PLAC1: variants seen among roughly 807,000 people sequenced by gnomAD.
PLAC1 encodes the protein placenta-specific protein 1.
For missense variants in PLAC1, 136 were observed against 163.2 expected, an observed-to-expected ratio of 0.83 and a Z score of 0.91; for synonymous variants, 68 against 62.1, an observed-to-expected ratio of 1.09 and a Z score of -0.44.
chrX:134,721,756 G>C (rs972594301), intron 2 of PLAC1, among the ~76,000 whole-genome samples: 1 of 110,369 alleles, frequency 9.1e-6, no homozygotes, highest in Non-Finnish European at 1.9e-5. Flanking sequence ...CCAGCTACTC[G>C]GGAGGCTGAG....
intron 1 of PLAC1, among the ~76,000 whole-genome samples, chrX:134,653,700 T>C (rs1444915508): frequency 9.0e-6 from 1 of 111,464 alleles, no homozygotes; most frequent in Non-Finnish European, 1.9e-5. Context: ...TCTTAAAACA[T>C]TGTGACTGGG....
intron 1 of PLAC1, among the ~76,000 whole-genome samples, chrX:134,759,632 A>T: frequency 8.9e-6 from 1 of 112,042 alleles, no homozygotes. Flanking sequence ...TTACTGCAGC[A>T]CTCTTCAAAA....
chrX:134,638,122 T>G (rs1014687727), intron 1 of PLAC1, among the ~76,000 whole-genome samples: 1 of 112,302 alleles, frequency 8.9e-6, no homozygotes, highest in East Asian at 2.8e-4. Flanking sequence ...ATGATGAACA[T>G]TTAACTTGCA....
At chrX:134,608,836 C>T (rs753764909) in intron 1 of PLAC1, among the ~76,000 whole-genome samples, 6 of 108,908 alleles carry the variant, frequency 5.5e-5, no homozygotes, top group Admixed American at 2.0e-4. Flanking sequence ...CCACCATGTC[C>T]GGCTAATTTT....
In PLAC1 at chrX:134,595,228, A is replaced by G. The variant is rs758740558; in HGVS notation, c.-59+6823T>C. On this transcript the variant is annotated intron_variant, in intron 2 of 2. Transcript: ENST00000359237. ...TTCCATTATTGTCAGAGAACACACT[A>G]TGTACAATTGCAATTCTTCTAAATT... is the stretch of plus-strand genomic sequence containing the variant. Among the ~76,000 whole-genome samples the G allele has an allele frequency of 4.0e-4, 44 of 110,960 alleles. 1 individual carries two copies. Among genetic ancestry groups the G allele is most frequent in the Non-Finnish European group, 7.2e-4 (38 of 52,923 alleles).
intron 2 of PLAC1, among the ~76,000 whole-genome samples, chrX:134,576,055 T>C (rs2077937606): frequency 1.8e-5 from 2 of 108,613 alleles, no homozygotes; most frequent in South Asian, 7.7e-4. Context: ...AAGGACTTTC[T>C]TTCTGAAATT....
chrX:134,756,721 T>C lies in PLAC1; in HGVS notation n.89+7513A>G, dbSNP rs974580954. Among the ~76,000 whole-genome samples the C allele has an allele frequency of 1.1e-4, 12 of 108,937 alleles. No homozygotes were observed. The South Asian group carries it at 1.2e-3, about 11-fold the overall frequency. The allele number at this position is 108,937 out of a possible 115,157, so 94.6% of individuals were successfully genotyped here. ...AAAATTGGCCAGGCGTGGTGGCGGG[T>C]GCCTGTAGTCCCAGCTACTCAGGAG... On this transcript the variant is annotated intron_variant and non_coding_transcript_variant, in intron 1 of 2. Coordinates refer to the PLAC1 transcript ENST00000466797.
At chrX:134,758,208 T>C (rs1718247485) in intron 1 of PLAC1, among the ~76,000 whole-genome samples, 1 of 110,330 alleles carries the variant, frequency 9.1e-6, no homozygotes, top group Non-Finnish European at 1.9e-5. Context: ...ATTAATCTAG[T>C]TAAAATGACC....
intron 1 of PLAC1, among the ~76,000 whole-genome samples, chrX:134,645,783 C>A (rs1296471632): frequency 9.1e-6 from 1 of 109,333 alleles, no homozygotes. Flanking sequence ...ATAATGCAAG[C>A]CTTCCCATTC....
intron 2 of PLAC1, among the ~76,000 whole-genome samples, chrX:134,715,746 TG>T (rs1383814490): frequency 2.7e-4 from 30 of 112,304 alleles, no homozygotes; most frequent in African/African-American, 9.7e-4. Context: ...TAGAGGCTGT[TG>T]GCAGATGTTT....
chrX:134,576,760 T>C (rs955362448), intron 2 of PLAC1, among the ~76,000 whole-genome samples: 2 of 110,639 alleles, frequency 1.8e-5, no homozygotes, highest in African/African-American at 6.6e-5. Context: ...GTGAGACATG[T>C]AGGAAGAAGG....
rs764262533 is a variant in PLAC1 at position 134,566,722 on chromosome X, A to G, written c.-40T>C. On this transcript the variant is annotated 5_prime_UTR_variant, in exon 3 of 3. Coordinates refer to ENST00000359237, the MANE Select transcript of PLAC1 (RefSeq NM_021796.4). Reference sequence around the variant, plus strand: ...AGATAATGAACCACAGGAAACAGGAAGCCGTCCAGTGAGGATTTCTAGAGC... The same window carrying G: ...AGATAATGAACCACAGGAAACAGGAGGCCGTCCAGTGAGGATTTCTAGAGC... 1.6e-5 allele frequency: 17 copies of G among 1,083,729 alleles called. No homozygotes were observed. The highest frequency in any genetic ancestry group is 7.1e-4 in the Middle Eastern group (2 of 2,810). The allele number at this position is 1,083,729 out of a possible 1,213,427, so 89.3% of individuals were successfully genotyped here.
At chrX:134,632,928 A>G (rs1440643089) in intron 1 of PLAC1, among the ~76,000 whole-genome samples, 1 of 111,280 alleles carries the variant, frequency 9.0e-6, no homozygotes, top group African/African-American at 3.3e-5. Context: ...ATCTGTCTCC[A>G]ACCTTCTTTT....
At chrX:134,612,033 A>G (rs1007354547) in intron 1 of PLAC1, among the ~76,000 whole-genome samples, 6 of 111,829 alleles carry the variant, frequency 5.4e-5, no homozygotes, top group Non-Finnish European at 1.1e-4. Context: ...CAGAAATGCT[A>G]CTCTGCCTCC....
At chrX:134,681,006 G>C (rs2078493929) in intron 2 of PLAC1, among the ~76,000 whole-genome samples, 1 of 111,327 alleles carries the variant, frequency 9.0e-6, no homozygotes, top group Admixed American at 9.6e-5. Flanking sequence ...GGCAGATTGG[G>C]GGCAGAATTG....
rs761881945 is a variant in PLAC1 at position 134,680,545 on chromosome X, G to GAACTGAACTA, written n.174+52889_174+52890insTAGTTCAGTT. 3.5e-3 allele frequency among the ~76,000 whole-genome samples: 174 copies of GAACTGAACTA among 49,706 alleles called. 2 individuals are homozygous for GAACTGAACTA. The highest frequency in any genetic ancestry group is 8.9e-3 in the African/African-American group (171 of 19,300). 43.2% of individuals were successfully genotyped at this position (49,706 alleles called of 115,157 possible). A position where few individuals can be genotyped will look rare whatever the true frequency, so the allele number is the denominator to read the frequency against. The stretch of plus-strand genomic sequence containing the variant: ...AAACTAAACTGAACTAAACTAAACT[G>GAACTGAACTA]AACTAAACTAAACTAAACTAAACTA... On this transcript the variant is annotated intron_variant and non_coding_transcript_variant, in intron 2 of 2. Coordinates refer to the PLAC1 transcript ENST00000466797.
At chrX:134,622,880 A>G (rs964468363) in intron 1 of PLAC1, among the ~76,000 whole-genome samples, 1 of 111,732 alleles carries the variant, frequency 8.9e-6, no homozygotes, top group African/African-American at 3.3e-5. Flanking sequence ...TCTTTTCCCA[A>G]TTTACCAGGG....
At chrX:134,674,457 A>C (rs905760703) in intron 2 of PLAC1, among the ~76,000 whole-genome samples, 2 of 112,061 alleles carry the variant, frequency 1.8e-5, no homozygotes, top group Non-Finnish European at 3.8e-5. Flanking sequence ...CAAATAAGAA[A>C]AGTTCACACA....
intron 2 of PLAC1, among the ~76,000 whole-genome samples, chrX:134,715,458 C>T (rs1385217513): frequency 4.6e-5 from 5 of 109,141 alleles, no homozygotes; most frequent in Non-Finnish European, 9.5e-5. Flanking sequence ...CCCCCACCCC[C>T]CTAACACACT....
Sources: gnomAD v4.1 joint callset for allele counts (sites outside exome capture counted in the v4.1 genomes callset) on GRCh38, gnomAD v4.1.1 for gene constraint, MANE v1.5 for transcripts, NCBI Gene and HGNC (gene_info 2026-07-23, HGNC 2026-07-21) for gene names.